Variants in HMGXB4 observed in about 807,000 individuals in gnomAD.
The protein encoded by HMGXB4 is HMG domain-containing protein 4.
HMGXB4 carries 27 observed loss-of-function variants against 63.9 expected under a neutral mutation model. The observed-to-expected ratio is 0.42, with a 90% CI of 0.31 to 0.58. The LOEUF (loss-of-function observed/expected upper bound fraction) is 0.58, where lower values mean the gene tolerates loss of function less well. Among genes scored for constraint, HMGXB4 ranks in the 20% least tolerant of loss-of-function variants. The pLI is 0.13. For synonymous variants in HMGXB4, 264 were observed against 265.3 expected (o/e 0.99, Z 0.05); for missense variants, 624 against 700.7 (o/e 0.89, Z 1.24).
rs1343624096 is a variant in HMGXB4 at position 35,265,618 on chromosome 22, A to C, written c.1215+15A>C. 6.5e-7 allele frequency: 1 copy of C among 1,539,510 alleles called. No homozygotes were observed. The highest frequency in any genetic ancestry group is 8.7e-7 in the Non-Finnish European group (1 of 1,146,012). On this transcript the variant is annotated intron_variant, in intron 5 of 10. Transcript: ENST00000216106. Reference sequence around the variant, plus strand: ...GAGGAGAAAAGGTAAAGCATCTTTTAAGTGTGGTGGGGGTAAGAGATTAAG... The same window carrying C: ...GAGGAGAAAAGGTAAAGCATCTTTTCAGTGTGGTGGGGGTAAGAGATTAAG...
At chr22:35,267,152 A>ATATATTATG (rs1275779629) in intron 5 of HMGXB4, among the ~76,000 whole-genome samples, 1 of 147,334 alleles carries the variant, frequency 6.8e-6, no homozygotes, top group Non-Finnish European at 1.5e-5. Context: ...GTGTGTATAT[A>ATATATTATG]TAATATATAT....
chr22:35,251,702 A>T, the HMGXB4 span, among the ~76,000 whole-genome samples: 1 of 152,212 alleles, frequency 6.6e-6, no homozygotes, highest in Non-Finnish European at 1.5e-5. Flanking sequence ...AATCTTTTTT[A>T]AACAGTTTTA....
At position 35,264,750 on chromosome 22, in the gene HMGXB4, C is replaced by T; in HGVS notation, c.362C>T (p.Ala121Val). The T allele has an allele frequency of 1.2e-6, 2 of 1,614,184 alleles. No homozygotes were observed. The highest frequency in any genetic ancestry group is 1.7e-5 in the Admixed American group (1 of 60,022). The change falls in exon 5 of 11, where the codon GCA becomes GTA. Residue 121 changes from alanine to valine, a missense_variant. By Grantham distance (64) the Ala-to-Val change is moderately conservative. Coordinates refer to ENST00000216106, the MANE Select transcript of HMGXB4 (RefSeq NM_001003681.3). ...TTGAAAGCTATCACTTCCCCACTGG[C>T]AGCAGGCTCCAAGCCCTCCAAAAAG... ...DLLKAITSPL[A>V]AGSKPSKKTG... is the part of the protein sequence containing the mutation.
chr22:35,249,340 G>A, the HMGXB4 span, among the ~76,000 whole-genome samples: 144 of 99,632 alleles, frequency 1.4e-3, 33 homozygotes, highest in Admixed American at 4.7e-3. Context: ...GATTACAAGC[G>A]TGAGCCACTG....
chr22:35,262,229 G>T, intron 1 of HMGXB4, 94 bp from the exon 2 acceptor site: 2 of 695,686 alleles, frequency 2.9e-6, no homozygotes, highest in South Asian at 3.4e-5. Context: ...TGCCCTTCCA[G>T]TCAGCCCTTG....
Position 35,294,705 on chromosome 22 carries a change from G to A in HMGXB4, c.*1054G>A, listed in dbSNP as rs41279989. On this transcript the variant is annotated 3_prime_UTR_variant, in exon 11 of 11. Coordinates refer to ENST00000216106, the MANE Select transcript of HMGXB4 (RefSeq NM_001003681.3). ...AATCTCTTAGATTTTAATTTATCCTGTAAATTTCTGTATATATAATTTAAT... is the reference window on the plus strand; with the variant it reads ...AATCTCTTAGATTTTAATTTATCCTATAAATTTCTGTATATATAATTTAAT... 23 of 152,306 alleles carry A rather than the reference G, an allele frequency of 1.5e-4. No individual in the cohort carries two copies. Among genetic ancestry groups the A allele is most frequent in the African/African-American group, 5.3e-4 (22 of 41,518 alleles). The allele number at this position is 152,306 out of a possible 1,614,324, so 9.4% of individuals were successfully genotyped here.
At position 35,265,550 on chromosome 22, in the gene HMGXB4, G is replaced by GAA; in HGVS notation, c.1171_1172dup (p.Lys392ArgfsTer33). 1 of 1,427,280 alleles carries GAA rather than the reference G, an allele frequency of 7.0e-7. No individual in the cohort carries two copies. The highest frequency in any genetic ancestry group is 9.5e-7 in the Non-Finnish European group (1 of 1,056,532). 88.4% of individuals were successfully genotyped at this position (1,427,280 alleles called of 1,614,324 possible). A position where few individuals can be genotyped will look rare whatever the true frequency, so the allele number is the denominator to read the frequency against. On this transcript the variant is annotated frameshift_variant, in exon 5 of 11. Coordinates refer to ENST00000216106, the MANE Select transcript of HMGXB4 (RefSeq NM_001003681.3). LOFTEE classifies it high-confidence loss of function. ...TGGCCTCCACACAGATGGGCATAGTGAAAAAAAAAAGAAAAAAGAAGAGAA... is the reference window on the plus strand; with the variant it reads ...TGGCCTCCACACAGATGGGCATAGTGAAAAAAAAAAAAGAAAAAAGAAGAGAA...
chr22:35,287,546 T>G (rs1003533957), intron 8 of HMGXB4, 94 bp downstream of exon 8: 4 of 766,980 alleles, frequency 5.2e-6, no homozygotes, highest in Non-Finnish European at 8.9e-6. Context: ...GTATTAGAAG[T>G]GGACCTTGAT....
chr22:35,259,118 G>T (rs1922669302), intron 1 of HMGXB4, among the ~76,000 whole-genome samples: 1 of 152,166 alleles, frequency 6.6e-6, no homozygotes, highest in Non-Finnish European at 1.5e-5. Context: ...ATCTACCAGG[G>T]AAAGAGCAAC....
chr22:35,270,276 C>T (rs979927413), intron 5 of HMGXB4, among the ~76,000 whole-genome samples: 2 of 152,166 alleles, frequency 1.3e-5, no homozygotes, highest in African/African-American at 4.8e-5. Flanking sequence ...CATAGGAGCA[C>T]AAACCCCAGC....
intron 5 of HMGXB4, 62 bp from the exon 6 acceptor site, chr22:35,283,900 A>G: frequency 3.4e-6 from 4 of 1,179,932 alleles, no homozygotes; most frequent in Non-Finnish European, 5.1e-6. Flanking sequence ...CTATGGATTC[A>G]GGGTTACTAA....
Position 35,293,615 on chromosome 22 carries a change from A to G in HMGXB4, c.1770A>G (p.Thr590=), listed in dbSNP as rs1018228883. 6.2e-7 allele frequency: 1 copy of G among 1,611,430 alleles called. No individual in the cohort carries two copies. The highest frequency in any genetic ancestry group is 8.5e-7 in the Non-Finnish European group (1 of 1,177,496). The change falls in exon 11 of 11, where the codon ACA becomes ACG. Residue 590 remains threonine (T), a synonymous_variant. Transcript: ENST00000216106. ...NGCPKQVLSN[T]LDNIAYIMPG... Reference sequence around the variant, plus strand: ...TTTTCTTTGTTTTGCAGTCAAACACATTAGACAACATTGCTTACATCATGC... The same window carrying G: ...TTTTCTTTGTTTTGCAGTCAAACACGTTAGACAACATTGCTTACATCATGC...
intron 5 of HMGXB4, among the ~76,000 whole-genome samples, chr22:35,266,473 T>C (rs372502971): frequency 6.6e-6 from 1 of 152,226 alleles, no homozygotes; most frequent in Non-Finnish European, 1.5e-5. Context: ...AGGACATAGT[T>C]GTTGACTTTA....
intron 5 of HMGXB4, among the ~76,000 whole-genome samples, chr22:35,277,665 T>C (rs1923992940): frequency 1.3e-5 from 2 of 152,202 alleles, no homozygotes; most frequent in African/African-American, 4.8e-5. Flanking sequence ...TTTCTATTCA[T>C]GTGAAATTTG....
intron 10 of HMGXB4, 152 bp downstream of exon 10, chr22:35,293,266 C>A: frequency 1.1e-6 from 1 of 886,594 alleles, no homozygotes; most frequent in South Asian, 1.6e-5. Context: ...TTATCAAATG[C>A]ATGCTGTACT....
chr22:35,269,495 C>T (rs181339704), intron 5 of HMGXB4, among the ~76,000 whole-genome samples: 28 of 152,306 alleles, frequency 1.8e-4, no homozygotes, highest in African/African-American at 5.3e-4. Context: ...ATCTTCAACT[C>T]TTCAATGTCC....
chr22:35,285,828 A>G (rs1223642381), intron 6 of HMGXB4, among the ~76,000 whole-genome samples, 169 bp from the exon 7 acceptor site: 1 of 152,232 alleles, frequency 6.6e-6, no homozygotes, highest in African/African-American at 2.4e-5. Context: ...CCTTCCCTAT[A>G]GAAAAAAATC....
upstream of HMGXB4, among the ~76,000 whole-genome samples, chr22:35,254,837 T>C (rs1441192081): frequency 1.3e-5 from 2 of 152,310 alleles, no homozygotes; most frequent in East Asian, 3.9e-4. Context: ...GAGATCTGAC[T>C]TCAGGTCTCC....
At chr22:35,282,387 AG>A (rs1392218853) in intron 5 of HMGXB4, among the ~76,000 whole-genome samples, 2 of 152,124 alleles carry the variant, frequency 1.3e-5, no homozygotes, top group Admixed American at 6.6e-5. Flanking sequence ...CGTGTTAGCC[AG>A]GATGACCTCG....
Sources: allele counts gnomAD v4.1 joint callset (sites outside exome capture counted in the v4.1 genomes callset), GRCh38; gene constraint gnomAD v4.1.1; transcripts MANE v1.5; gene names NCBI Gene and HGNC (gene_info 2026-07-23, HGNC 2026-07-21).